Variants in TPO observed in about 807,000 individuals in gnomAD.
TPO encodes thyroid microsomal antigen.
TPO carries 78 observed loss-of-function variants against 96.9 expected under a neutral mutation model. The ratio of observed to expected loss-of-function variants is 0.81; its 90% CI spans 0.67 to 0.97. TPO has a LOEUF of 0.97. TPO is among the 50% of genes least tolerant of loss of function. The pLI, the probability that TPO is intolerant of heterozygous loss-of-function variation, is 0.00. For synonymous variants in TPO, 547 were observed against 538.0 expected (o/e 1.02, Z -0.23); for missense variants, 1,252 against 1,274.8 (o/e 0.98, Z 0.27).
At chr2:1,524,161 A>G (rs1475341575) in intron 15 of TPO, among the ~76,000 whole-genome samples, 4 of 63,318 alleles carry the variant, frequency 6.3e-5, no homozygotes, top group East Asian at 5.4e-4. Flanking sequence ...AAAATCCCCC[A>G]AACTGTGTGC....
chr2:1,385,020 AT>A (rs1661868714), intron 1 of TPO, among the ~76,000 whole-genome samples: 1 of 152,094 alleles, frequency 6.6e-6, no homozygotes, highest in Admixed American at 6.5e-5. Context: ...ACGTTTATTG[AT>A]TTGCGTATGT....
intron 1 of TPO, among the ~76,000 whole-genome samples, chr2:1,396,067 G>T (rs1307090505): frequency 1.3e-5 from 2 of 152,222 alleles, no homozygotes; most frequent in African/African-American, 4.8e-5. Flanking sequence ...CCTGTGAGCT[G>T]CCACTAAGCT....
chr2:1,401,637 C>A (rs576220384), intron 1 of TPO, among the ~76,000 whole-genome samples: 3 of 152,236 alleles, frequency 2.0e-5, no homozygotes, highest in African/African-American at 7.2e-5. Flanking sequence ...TCTCCCTCTG[C>A]CCATCCTGCT....
chr2:1,434,488 T>G lies in TPO; in HGVS notation c.349+881T>G, dbSNP rs183747648. Among the ~76,000 whole-genome samples, 17 of 152,342 alleles carry G rather than the reference T, an allele frequency of 1.1e-4. No homozygotes were observed. The East Asian group carries it at 1.9e-3, about 17-fold the overall frequency. ...TAAGATTCACCACTTTGAAATGTCC[T>G]TTCTTTCAAACCATATGGCTGAACG... On this transcript the variant is annotated intron_variant, in intron 4 of 16. Transcript: ENST00000329066.
chr2:1,526,629 A>G (rs1199800018), intron 15 of TPO, among the ~76,000 whole-genome samples: 1 of 141,902 alleles, frequency 7.0e-6, no homozygotes, highest in Non-Finnish European at 1.5e-5. Context: ...AACCTCCCCA[A>G]ATCTCCCCAG....
At chr2:1,447,385 C>A (rs1257858221) in intron 5 of TPO, among the ~76,000 whole-genome samples, 1 of 152,170 alleles carries the variant, frequency 6.6e-6, no homozygotes, top group Non-Finnish European at 1.5e-5. Flanking sequence ...CCTAGAAGCC[C>A]CCGCTTCCAG....
chr2:1,431,174 G>T (rs1395367092), intron 3 of TPO, among the ~76,000 whole-genome samples: 4 of 152,138 alleles, frequency 2.6e-5, no homozygotes, highest in Non-Finnish European at 5.9e-5. Flanking sequence ...AATCCCTGAT[G>T]AATGGTTTAG....
At chr2:1,443,741 G>A (rs1400799915) in intron 5 of TPO, among the ~76,000 whole-genome samples, 2 of 106,596 alleles carry the variant, frequency 1.9e-5, no homozygotes, top group African/African-American at 7.4e-5. Flanking sequence ...CATTGCTGCG[G>A]GAGGCACCAT....
At chr2:1,527,752 C>T (rs1374761693) in intron 15 of TPO, among the ~76,000 whole-genome samples, 2 of 146,634 alleles carry the variant, frequency 1.4e-5, no homozygotes, top group African/African-American at 5.1e-5. Context: ...CCACTCTGGG[C>T]AACCTCCCCA....
At chr2:1,504,224 A>AG (rs1459710704) in intron 14 of TPO, 145 bp downstream of exon 14, 14 of 1,455,536 alleles carry the variant, frequency 9.6e-6, no homozygotes, top group Non-Finnish European at 1.3e-5. Flanking sequence ...ACGGTGCCCG[A>AG]GGGGCGTCTG....
At chr2:1,426,503 A>G (rs973275419) in intron 3 of TPO, among the ~76,000 whole-genome samples, 56 of 134,722 alleles carry the variant, frequency 4.2e-4, no homozygotes, top group Middle Eastern at 5.1e-3. Flanking sequence ...CATATCCTCA[A>G]AAGTCCATGC....
At chr2:1,530,445 C>A (rs1367160451) in intron 15 of TPO, among the ~76,000 whole-genome samples, 1 of 149,772 alleles carries the variant, frequency 6.7e-6, no homozygotes, top group African/African-American at 2.5e-5. Flanking sequence ...CTGTGTGCAA[C>A]CTCCCGAAAT....
chr2:1,535,808 CACTGTGTGCAACCTGCTCAAATCCCCAA>C (rs1463173561), intron 15 of TPO, among the ~76,000 whole-genome samples: 2 of 96,022 alleles, frequency 2.1e-5, no homozygotes, highest in African/African-American at 7.4e-5. Context: ...CCATCCCTCC[CACTGTGTGCAACCTGCTCAAATCCCCAA>C]ACTGTGTGCA....
intron 1 of TPO, among the ~76,000 whole-genome samples, chr2:1,388,808 T>C (rs1412029082): frequency 3.3e-5 from 5 of 152,144 alleles, no homozygotes; most frequent in African/African-American, 4.8e-5. Flanking sequence ...TCGCTCACAC[T>C]GGGAGCTGTA....
intron 6 of TPO, among the ~76,000 whole-genome samples, chr2:1,454,714 C>T (rs1035310675): frequency 2.6e-5 from 4 of 152,198 alleles, no homozygotes; most frequent in Admixed American, 2.0e-4. Context: ...CTGTCTTACC[C>T]ACCTTATGCT....
At chr2:1,441,250 T>C (rs537927339) in intron 5 of TPO, among the ~76,000 whole-genome samples, 1 of 152,268 alleles carries the variant, frequency 6.6e-6, no homozygotes, top group South Asian at 2.1e-4. Flanking sequence ...TGGAAGGGAA[T>C]GGGGCAGACT....
intron 1 of TPO, chr2:1,413,784 G>A (rs1178649956): frequency 1.3e-5 from 13 of 973,706 alleles, no homozygotes; most frequent in African/African-American, 7.0e-5. Flanking sequence ...CTGTCAGCAT[G>A]GACTCACTGG....
intron 15 of TPO, among the ~76,000 whole-genome samples, chr2:1,537,856 A>ACCTCC (rs200177819): frequency 7.3e-5 from 2 of 27,348 alleles, no homozygotes; most frequent in African/African-American, 1.2e-4. Flanking sequence ...ACTGTGTGCA[A>ACCTCC]TCTCAAATCC....
chr2:1,484,637 C>T lies in TPO; in HGVS notation c.1380C>T (p.Pro460=), dbSNP rs752561522. 8.1e-6 allele frequency: 13 copies of T among 1,614,126 alleles called. No homozygotes were observed. Among genetic ancestry groups the T allele is most frequent in the East Asian group, 2.2e-5 (1 of 44,864 alleles). The change falls in exon 9 of 17, where the codon CCC becomes CCT. Residue 460 remains proline, a synonymous_variant. Coordinates refer to ENST00000329066, the MANE Select transcript of TPO (RefSeq NM_001206744.2). The stretch of plus-strand genomic sequence containing the variant: ...ATTACATCCCCAGGATCCTGGGACC[C>T]GAGGCCTTCCAGCAGTACGTGGGTC... ...LRDYIPRILG[P]EAFQQYVGPY...
Sources: gnomAD v4.1 joint callset for allele counts (sites outside exome capture counted in the v4.1 genomes callset) on GRCh38, gnomAD v4.1.1 for gene constraint, MANE v1.5 for transcripts, NCBI Gene and HGNC (gene_info 2026-07-23, HGNC 2026-07-21) for gene names.